Variants in SCAF8 observed in about 807,000 individuals in gnomAD.
SCAF8 encodes SR-related and CTD-associated factor 8.
In SCAF8, 23 loss-of-function variants were observed where a neutral mutation model predicts 140.5. The observed-to-expected ratio is 0.16, with a 90% CI of 0.12 to 0.23. The LOEUF is 0.23. SCAF8 is among the 10% of genes least tolerant of loss of function. The probability of loss-of-function intolerance (pLI) is 1.00; values close to 1 mark genes in which losing one functional copy is unlikely to be tolerated. For missense variants in SCAF8, 1,397 were observed against 1,555.7 expected (o/e 0.90, Z 1.72); for synonymous variants, 575 against 528.9 (o/e 1.09, Z -1.20).
chr6:154,818,272 A>G (rs919231180), intron 13 of SCAF8, among the ~76,000 whole-genome samples: 1 of 152,122 alleles, frequency 6.6e-6, no homozygotes, highest in African/African-American at 2.4e-5. Context: ...TGAGTTCTGA[A>G]TTTTGGGATT....
intron 2 of SCAF8, among the ~76,000 whole-genome samples, chr6:154,775,637 G>A (rs563867062): frequency 6.6e-6 from 1 of 152,156 alleles, no homozygotes; most frequent in East Asian, 1.9e-4. Context: ...GGACACAGTG[G>A]GACACATCGT....
In SCAF8 at chr6:154,808,474, T is replaced by A. The variant is rs1246147035; in HGVS notation, c.1114-212T>A. On this transcript the variant is annotated intron_variant, in intron 10 of 19. Coordinates refer to ENST00000367178, the MANE Select transcript of SCAF8 (RefSeq NM_014892.5). The stretch of plus-strand genomic sequence containing the variant: ...TGTTTTTGCGATTTTTTTTTTTTTT[T>A]AAGCTTATCAGCTGTCATTAGTGTT... Among the ~76,000 whole-genome samples, 4 of 145,018 alleles carry A rather than the reference T, an allele frequency of 2.8e-5. No individual in the cohort carries two copies. Among genetic ancestry groups the A allele is most frequent in the South Asian group, 2.2e-4 (1 of 4,516 alleles).
At chr6:154,784,397 TCTTAAG>T (rs1189766505) in intron 3 of SCAF8, among the ~76,000 whole-genome samples, 2 of 152,064 alleles carry the variant, frequency 1.3e-5, no homozygotes, top group Admixed American at 6.6e-5. Flanking sequence ...TTCAAATATA[TCTTAAG>T]CTTATCAGTC....
chr6:154,822,654 C>CA (rs746701284), intron 16 of SCAF8, among the ~76,000 whole-genome samples: 64 of 152,120 alleles, frequency 4.2e-4, no homozygotes, highest in Admixed American at 1.6e-3. Flanking sequence ...TCTGAAAACT[C>CA]AGAGGATTTT....
At chr6:154,798,538 T>C (rs1022004034) in intron 6 of SCAF8, among the ~76,000 whole-genome samples, 1 of 151,456 alleles carries the variant, frequency 6.6e-6, no homozygotes, top group African/African-American at 2.4e-5. Flanking sequence ...ATCCAATCTG[T>C]TAAGAAATCC....
chr6:154,827,838 G>GA (rs879810603), intron 18 of SCAF8, among the ~76,000 whole-genome samples: 11 of 150,880 alleles, frequency 7.3e-5, no homozygotes, highest in Non-Finnish European at 1.3e-4. Flanking sequence ...GCGGGGCGGG[G>GA]GGGGGGGCGG....
rs1007494424 is a variant in SCAF8 at position 154,750,019 on chromosome 6, G to A, written c.30+16089G>A. The stretch of plus-strand genomic sequence containing the variant: ...ATATGAGGAAGATGGGTGTTGCCAG[G>A]GCTTTGGTTTAAGGTTGATTTAAGA... On this transcript the variant is annotated intron_variant, in intron 1 of 19. Coordinates refer to ENST00000367178, the MANE Select transcript of SCAF8 (RefSeq NM_014892.5). Among the ~76,000 whole-genome samples, 17 of 151,856 alleles carry A rather than the reference G, an allele frequency of 1.1e-4. 1 individual carries two copies. The Middle Eastern group carries it at 0.014, about 122-fold the overall frequency.
At chr6:154,782,761 G>A (rs115158944) in intron 3 of SCAF8, among the ~76,000 whole-genome samples, 2,547 of 152,190 alleles carry the variant, frequency 0.017, 26 homozygotes, top group Non-Finnish European at 0.023. Context: ...GGCAGGAAGC[G>A]TCCAGCACAA....
rs1583051701 is a variant in SCAF8 at position 154,805,394 on chromosome 6, A to G, written c.889A>G (p.Asn297Asp). The stretch of plus-strand genomic sequence containing the variant: ...TTCTCACGTTTCAGAATCTGTGAAC[A>G]ATTCCATTTTTCATCAGATAGCAGA... ...QLSHVSESVN[N>D]SIFHQIAEQL... Residue 297 changes from asparagine to aspartate, a missense_variant, in exon 9 of 20, where the codon AAT (asparagine) becomes GAT (aspartate). By Grantham distance (23) the Asn-to-Asp change is conservative. Coordinates refer to ENST00000367178, the MANE Select transcript of SCAF8 (RefSeq NM_014892.5). 1 of 1,610,928 alleles carries G rather than the reference A, an allele frequency of 6.2e-7. No homozygotes were observed.
chr6:154,818,408 C>A, intron 13 of SCAF8, 71 bp from the exon 14 acceptor site: 1 of 693,956 alleles, frequency 1.4e-6, no homozygotes, highest in Non-Finnish European at 2.3e-6. Context: ...TGTTTTGTGT[C>A]ATTTAAACCA....
intron 1 of SCAF8, among the ~76,000 whole-genome samples, chr6:154,752,032 T>C (rs922131811): frequency 1.1e-4 from 16 of 152,256 alleles, no homozygotes; most frequent in African/African-American, 3.4e-4. Context: ...GGTTATTCTT[T>C]AAGTCTATAT....
Position 154,784,155 on chromosome 6 carries a change from A to ATATATATATT in SCAF8, c.160-3703_160-3702insATATATTTAT, listed in dbSNP as rs1408182952. ...TATATATATATATATATATATATAT[A>ATATATATATT]TATTTATTTATTTATTTTTCATGTA... On this transcript the variant is annotated intron_variant, in intron 3 of 19. Transcript: ENST00000367178. Among the ~76,000 whole-genome samples, 589 of 91,426 alleles carry ATATATATATT rather than the reference A, an allele frequency of 6.4e-3. 4 individuals are homozygous for ATATATATATT. The highest frequency in any genetic ancestry group is 0.02 in the Admixed American group (161 of 8,048). 60.0% of individuals were successfully genotyped at this position (91,426 alleles called of 152,430 possible).
At chr6:154,809,881 C>A in intron 11 of SCAF8, 134 bp from the exon 12 acceptor site, 1 of 784,370 alleles carries the variant, frequency 1.3e-6, no homozygotes, top group South Asian at 1.7e-5. Context: ...CTTGATTTTA[C>A]TTCAGAATAT....
chr6:154,765,079 A>G (rs962086998), intron 1 of SCAF8, among the ~76,000 whole-genome samples: 1 of 152,202 alleles, frequency 6.6e-6, no homozygotes, highest in East Asian at 1.9e-4. Flanking sequence ...CTTTATGTAC[A>G]TTATTTAAGG....
At chr6:154,831,787 ATAATAC>A in intron 19 of SCAF8, 146 bp from the exon 20 acceptor site, 1 of 536,392 alleles carries the variant, frequency 1.9e-6, no homozygotes. Flanking sequence ...GAAAATCAGT[ATAATAC>A]CTGACATTTC....
intron 1 of SCAF8, among the ~76,000 whole-genome samples, chr6:154,763,128 A>C (rs939899547): frequency 1.3e-5 from 2 of 152,110 alleles, no homozygotes; most frequent in African/African-American, 4.8e-5. Flanking sequence ...ATTTTCTGGA[A>C]GTTTGTCACA....
At chr6:154,751,583 A>G (rs1246197829) in intron 1 of SCAF8, among the ~76,000 whole-genome samples, 2 of 152,190 alleles carry the variant, frequency 1.3e-5, no homozygotes, top group Non-Finnish European at 2.9e-5. Flanking sequence ...TTTACAGATG[A>G]GGAATCAAGA....
chr6:154,751,932 A>C (rs1778847618), intron 1 of SCAF8, among the ~76,000 whole-genome samples: 1 of 152,180 alleles, frequency 6.6e-6, no homozygotes, highest in Non-Finnish European at 1.5e-5. Context: ...CTTGGCCAAC[A>C]GTTCTCCAGC....
At chr6:154,802,809 A>G (rs369757069) in intron 7 of SCAF8, among the ~76,000 whole-genome samples, 1 of 152,172 alleles carries the variant, frequency 6.6e-6, no homozygotes, top group African/African-American at 2.4e-5. Flanking sequence ...ACCTGCAAAA[A>G]TTAAAATTCT....
Sources: allele counts gnomAD v4.1 joint callset (sites outside exome capture counted in the v4.1 genomes callset), GRCh38; gene constraint gnomAD v4.1.1; transcripts MANE v1.5; gene names NCBI Gene and HGNC (gene_info 2026-07-23, HGNC 2026-07-21).